The following SLC66A1 variants were observed in gnomAD, a reference collection of about 807,000 sequenced individuals.
SLC66A1 encodes lysosomal amino acid transporter 1 homolog.
Under a neutral mutation model 33.0 loss-of-function variants are expected in SLC66A1, and 23 were observed. That is an observed-to-expected ratio of 0.70 (90% CI 0.50 to 0.99). The LOEUF is 0.99. SLC66A1 is among the 50% of genes least tolerant of loss of function. The probability of loss-of-function intolerance (pLI) is 0.00; values close to 1 mark genes in which losing one functional copy is unlikely to be tolerated. For synonymous variants in SLC66A1, 164 were observed against 175.5 expected, an observed-to-expected ratio of 0.93 and a Z score of 0.52; for missense variants, 335 against 383.6, an observed-to-expected ratio of 0.87 and a Z score of 1.06.
At chr1:19,334,064 A>G (rs1238168835), downstream of SLC66A1, among the ~76,000 whole-genome samples, 2 of 152,226 alleles carry the variant, frequency 1.3e-5, no homozygotes, top group African/African-American at 2.4e-5. Context: ...AGCCCTGGGG[A>G]CACAGTCACC....
At chr1:19,320,694 C>A (rs578032015) in intron 2 of SLC66A1, among the ~76,000 whole-genome samples, 1 of 150,416 alleles carries the variant, frequency 6.6e-6, no homozygotes, top group Non-Finnish European at 1.5e-5. Context: ...GGATTACAGG[C>A]GTGAGCCACC....
At chr1:19,317,967 T>G in intron 2 of SLC66A1, 126 bp downstream of exon 2, 1 of 1,401,350 alleles carries the variant, frequency 7.1e-7, no homozygotes, top group South Asian at 1.3e-5. Context: ...CTGGGGTGTG[T>G]TCCCTCGACA....
At chr1:19,318,593 C>T (rs1472383791) in intron 2 of SLC66A1, among the ~76,000 whole-genome samples, 2 of 152,116 alleles carry the variant, frequency 1.3e-5, no homozygotes, top group Non-Finnish European at 2.9e-5. Context: ...TATTTCATTA[C>T]ATGAAGCACA....
chr1:19,327,307 C>T lies in SLC66A1; in HGVS notation c.699C>T (p.Ser233=), dbSNP rs376864579. ...TGGGGAACACGCTGTATGGGCTGAG[C>T]GTGCTGCTCAAAAACCCCGAGGAGG... is the stretch of plus-strand genomic sequence containing the variant. ...VMLGNTLYGL[S]VLLKNPEEGQ... The change falls in exon 7 of 8, where the codon AGC becomes AGT. Residue 233 remains serine, a synonymous_variant. Coordinates refer to ENST00000375153, the MANE Select transcript of SLC66A1 (RefSeq NM_001040125.2). 51 of 1,613,558 alleles carry T rather than the reference C, an allele frequency of 3.2e-5. No individual in the cohort carries two copies. The highest frequency in any genetic ancestry group is 1.3e-4 in the African/African-American group (10 of 74,902).
rs189073981 is a variant in SLC66A1, at chr1:19,327,013, C to T, written c.619-214C>T. ...TGGGGCCACAGGCCTGGCACAGCCA[C>T]GGTCTCCCGTGGACCTGGGCAGGGG... On this transcript the variant is annotated intron_variant, in intron 6 of 7. Coordinates refer to ENST00000375153, the MANE Select transcript of SLC66A1 (RefSeq NM_001040125.2). Among the ~76,000 whole-genome samples the T allele has an allele frequency of 6.6e-5, 10 of 152,114 alleles. No individual in the cohort carries two copies. In the East Asian group the frequency reaches 1.2e-3, roughly 18 times the overall value.
At chr1:19,320,605 CG>C (rs2093830651) in intron 2 of SLC66A1, among the ~76,000 whole-genome samples, 1 of 151,216 alleles carries the variant, frequency 6.6e-6, no homozygotes, top group East Asian at 2.0e-4. Context: ...TTAGTAGAGA[CG>C]GGGTTTCACC....
At chr1:19,317,880 T>G in intron 2 of SLC66A1, 39 bp downstream of exon 2, 1 of 1,593,364 alleles carries the variant, frequency 6.3e-7, no homozygotes, top group Non-Finnish European at 8.6e-7. Context: ...GGCAGGGCTG[T>G]GGGGTTGAGG....
rs137970146 is a variant in SLC66A1 at position 19,317,789 on chromosome 1, A to G, written c.112A>G (p.Ser38Gly). The change falls in exon 2 of 8, where the codon AGC (serine) becomes GGC (glycine). Residue 38 changes from serine (S) to glycine (G), a missense_variant. Coordinates refer to ENST00000375153, the MANE Select transcript of SLC66A1 (RefSeq NM_001040125.2). ...TGCCCAGGACGGCTGGGACGAGGCC[A>G]GCGTGGGCCTGGGCTTGATCTCCAT... Reference protein sequence around the residue: ...ECAQDGWDEASVGLGLISILC... With the variant: ...ECAQDGWDEAGVGLGLISILC... 6 of 1,614,102 alleles carry G rather than the reference A, an allele frequency of 3.7e-6. No individual in the cohort carries two copies. The African/African-American group carries it at 5.3e-5, about 14-fold the overall frequency.
At chr1:19,325,619 CA>C in intron 4 of SLC66A1, 37 bp downstream of exon 4, 1 of 1,277,878 alleles carries the variant, frequency 7.8e-7, no homozygotes, top group Non-Finnish European at 1.1e-6. Flanking sequence ...GATGCTCTAC[CA>C]GCAGCAGGGG....
chr1:19,333,935 A>AAACAAAACAC (rs112328081), downstream of SLC66A1, among the ~76,000 whole-genome samples: 3,101 of 111,312 alleles, frequency 0.028, 210 homozygotes, highest in African/African-American at 0.097. The surrounding 1 kb of genome is among the most constrained non-coding windows in gnomAD (Gnocchi z 4.2). Context: ...AAACAAAACA[A>AAACAAAACAC]AACACAGGAA....
intron 2 of SLC66A1, among the ~76,000 whole-genome samples, chr1:19,319,389 A>G (rs1401894351): frequency 3.3e-5 from 5 of 152,196 alleles, no homozygotes; most frequent in Non-Finnish European, 5.9e-5. Context: ...ATGGAATCAC[A>G]CAGGACCTGT....
chr1:19,317,761 A>T lies in SLC66A1; in HGVS notation c.84A>T (p.Glu28Asp), dbSNP rs573370148. 8.1e-6 allele frequency: 13 copies of T among 1,614,154 alleles called. No individual in the cohort carries two copies. The South Asian group carries it at 1.4e-4, about 18-fold the overall frequency. The change falls in exon 2 of 8, where the codon GAA (glutamate) becomes GAT (aspartate). Residue 28 changes from glutamate (E) to aspartate (D), a missense_variant. Coordinates refer to ENST00000375153, the MANE Select transcript of SLC66A1 (RefSeq NM_001040125.2). ...AGTGGATATGGGATGTGTTGGGTGA[A>T]TGTGCCCAGGACGGCTGGGACGAGG... is the stretch of plus-strand genomic sequence containing the variant. ...SIQWIWDVLG[E>D]CAQDGWDEAS... is the part of the protein sequence containing the mutation.
intron 2 of SLC66A1, among the ~76,000 whole-genome samples, chr1:19,324,209 G>A (rs547647219): frequency 7.0e-4 from 107 of 152,362 alleles, no homozygotes; most frequent in African/African-American, 2.4e-3. Flanking sequence ...CGGCCCGCAC[G>A]TCCCTTTCCC....
chr1:19,316,359 G>GTA (rs1047637793), intron 1 of SLC66A1, among the ~76,000 whole-genome samples: 12 of 82,690 alleles, frequency 1.5e-4, no homozygotes, highest in African/African-American at 4.4e-4. Context: ...TGGTTTGTGT[G>GTA]TGTGTGTGTG....
rs140644663 is a variant in SLC66A1 at position 19,327,391 on chromosome 1, C to T, written c.783C>T (p.Gly261=). The T allele has an allele frequency of 2.6e-5, 42 of 1,597,284 alleles. No individual in the cohort carries two copies. In the African/African-American group the frequency reaches 3.1e-4, roughly 12 times the overall value. ...HHLPWLVGSL[G]VLLLDTIISI... The stretch of plus-strand genomic sequence containing the variant: ...TGCCCTGGCTTGTGGGCAGCCTGGG[C>T]GTGCTGCTGCTCGACACCATCGTAT... The change falls in exon 7 of 8, where the codon GGC becomes GGT. Residue 261 remains glycine, a synonymous_variant. Coordinates refer to ENST00000375153, the MANE Select transcript of SLC66A1 (RefSeq NM_001040125.2).
intron 7 of SLC66A1, chr1:19,327,635 G>A (rs779867619): frequency 1.4e-6 from 1 of 711,180 alleles, no homozygotes; most frequent in South Asian, 1.5e-5. Flanking sequence ...AGCAAGAACA[G>A]CCATGAGTGC....
intron 1 of SLC66A1, among the ~76,000 whole-genome samples, chr1:19,317,170 C>T (rs1253065570): frequency 6.6e-6 from 1 of 152,078 alleles, no homozygotes; most frequent in Non-Finnish European, 1.5e-5. Flanking sequence ...GTTCAAGAGT[C>T]ATAGGAAAAG....
At position 19,328,778 on chromosome 1, in the gene SLC66A1, T is replaced by TC. The variant is rs1295781912; in HGVS notation, c.*141dup. The TC allele has an allele frequency of 4.2e-6, 4 of 950,856 alleles. No homozygotes were observed. The highest frequency in any genetic ancestry group is 6.3e-6 in the Non-Finnish European group (4 of 634,088). 58.9% of individuals were successfully genotyped at this position (950,856 alleles called of 1,614,324 possible). ...TCTGGATCCTCCGTGGACCGAACCG[T>TC]CCCCCCAGGAACACACCTTCAGGTA... is the stretch of plus-strand genomic sequence containing the variant. On this transcript the variant is annotated 3_prime_UTR_variant, in exon 8 of 8. Coordinates refer to ENST00000375153, the MANE Select transcript of SLC66A1 (RefSeq NM_001040125.2). This position sits in a 1 kb window ranked among gnomAD's most constrained non-coding sequence, Gnocchi z 4.7.
chr1:19,313,482 G>A (rs1431595608), intron 1 of SLC66A1, among the ~76,000 whole-genome samples: 5 of 152,236 alleles, frequency 3.3e-5, no homozygotes, highest in African/African-American at 1.2e-4. Context: ...AAAGACAGTG[G>A]TCGCAGAGGA....
Sources: gnomAD v4.1 joint callset for allele counts (sites outside exome capture counted in the v4.1 genomes callset) on GRCh38, gnomAD v4.1.1 for gene constraint, Gnocchi (gnomAD v3.1) non-coding constraint, MANE v1.5 for transcripts, NCBI Gene and HGNC (gene_info 2026-07-23, HGNC 2026-07-21) for gene names.